SLC35F3: variants seen among roughly 807,000 people sequenced by gnomAD.
The protein encoded by SLC35F3 is solute carrier family 35 member F3.
In SLC35F3, 25 loss-of-function variants were observed where a neutral mutation model predicts 49.9. The observed-to-expected ratio is 0.50, with a 90% CI of 0.37 to 0.70. The LOEUF is 0.70. SLC35F3 is among the 30% of genes least tolerant of loss of function. The pLI is 0.00. For synonymous variants in SLC35F3, 275 were observed against 265.4 expected, an observed-to-expected ratio of 1.04 and a Z score of -0.35; for missense variants, 525 against 639.8, an observed-to-expected ratio of 0.82 and a Z score of 1.94.
intron 2 of SLC35F3, among the ~76,000 whole-genome samples, chr1:234,187,296 A>T (rs1328144854): frequency 6.6e-6 from 1 of 152,184 alleles, no homozygotes; most frequent in Admixed American, 6.5e-5. Flanking sequence ...TCACTTGCAC[A>T]AATGCAAAGT....
intron 2 of SLC35F3, among the ~76,000 whole-genome samples, chr1:234,090,457 A>T (rs540697549): frequency 6.6e-6 from 1 of 152,272 alleles, no homozygotes; most frequent in African/African-American, 2.4e-5. Flanking sequence ...GCTGCAGAGC[A>T]AGGAGACAGG....
chr1:234,204,423 T>G (rs1666943098), intron 2 of SLC35F3, among the ~76,000 whole-genome samples: 1 of 152,148 alleles, frequency 6.6e-6, no homozygotes, highest in Non-Finnish European at 1.5e-5. Context: ...ATTATTATCT[T>G]GTTGATACAC....
At chr1:234,103,376 G>A (rs945879455) in intron 2 of SLC35F3, among the ~76,000 whole-genome samples, 3 of 152,156 alleles carry the variant, frequency 2.0e-5, no homozygotes, top group South Asian at 2.1e-4. Context: ...CACCCTCAGA[G>A]GCCAAGGGTC....
intron 2 of SLC35F3, among the ~76,000 whole-genome samples, chr1:233,954,946 C>A (rs549451478): frequency 6.6e-6 from 1 of 152,114 alleles, no homozygotes. Flanking sequence ...CGGGTTCCAG[C>A]GATTCTCGTG....
At chr1:234,218,423 C>T (rs534710431) in intron 2 of SLC35F3, among the ~76,000 whole-genome samples, 2 of 152,248 alleles carry the variant, frequency 1.3e-5, no homozygotes, top group African/African-American at 4.8e-5. Context: ...GAATCAGTTC[C>T]GTCCTAGGAA....
At chr1:233,905,377 A>G in intron 1 of SLC35F3, 152 bp from the exon 2 acceptor site, 1 of 716,388 alleles carries the variant, frequency 1.4e-6, no homozygotes, top group Non-Finnish European at 2.3e-6. Flanking sequence ...GGCGGCGGGA[A>G]GGGAGGAGCG....
chr1:234,067,268 A>T (rs528371670), intron 2 of SLC35F3, among the ~76,000 whole-genome samples: 2 of 152,192 alleles, frequency 1.3e-5, no homozygotes, highest in Non-Finnish European at 2.9e-5. Context: ...GAAGATTTCA[A>T]CGGCTATTGT....
intron 2 of SLC35F3, among the ~76,000 whole-genome samples, chr1:233,989,534 G>A (rs1328122818): frequency 6.6e-6 from 1 of 152,122 alleles, no homozygotes; most frequent in Non-Finnish European, 1.5e-5. Context: ...AAAGGGAAAG[G>A]TGATGTTTTC....
chr1:233,988,145 T>G (rs1427056180), intron 2 of SLC35F3, among the ~76,000 whole-genome samples: 1 of 152,198 alleles, frequency 6.6e-6, no homozygotes, highest in African/African-American at 2.4e-5. Context: ...GAGTGGTATT[T>G]ATCAAGCAGT....
At chr1:234,191,381 A>C (rs1407922052) in intron 2 of SLC35F3, among the ~76,000 whole-genome samples, 1 of 152,200 alleles carries the variant, frequency 6.6e-6, no homozygotes, top group Non-Finnish European at 1.5e-5. Context: ...ATGAAAATTT[A>C]AAACCTTTGA....
intron 2 of SLC35F3, among the ~76,000 whole-genome samples, chr1:234,069,199 C>A: frequency 7.4e-6 from 1 of 135,624 alleles, no homozygotes; most frequent in South Asian, 2.2e-4. Context: ...TATATAAATA[C>A]ATATTTATAT....
At chr1:233,956,531 C>A (rs968633416) in intron 2 of SLC35F3, among the ~76,000 whole-genome samples, 1 of 152,226 alleles carries the variant, frequency 6.6e-6, no homozygotes, top group Non-Finnish European at 1.5e-5. Context: ...GTTCTTTCTT[C>A]TTCCCCTATG....
At chr1:234,007,817 A>G (rs1042176254) in intron 2 of SLC35F3, among the ~76,000 whole-genome samples, 1 of 152,214 alleles carries the variant, frequency 6.6e-6, no homozygotes, top group Non-Finnish European at 1.5e-5. Context: ...AGAATTGGTC[A>G]TTAAAAATTC....
intron 2 of SLC35F3, among the ~76,000 whole-genome samples, chr1:234,182,264 C>A (rs1277747787): frequency 6.6e-6 from 1 of 152,176 alleles, no homozygotes; most frequent in African/African-American, 2.4e-5. Flanking sequence ...AGATCACTTC[C>A]TTTTGACCTG....
Position 234,219,201 on chromosome 1 carries a change from G to T in SLC35F3, c.284-12216G>T, listed in dbSNP as rs115644371. On this transcript the variant is annotated intron_variant, in intron 2 of 7. Transcript: ENST00000366618. ...TTGGGAGTGTTGGGTGATCTCAGCT[G>T]CCCCCAGAGTAGGTCTGACTACCTT... Among the ~76,000 whole-genome samples, 1,463 of 152,146 alleles carry T rather than the reference G, an allele frequency of 9.6e-3. 17 individuals are homozygous for T. Among genetic ancestry groups the T allele is most frequent in the African/African-American group, 0.032 (1,335 of 41,508 alleles).
chr1:234,271,839 A>G (rs912772195), intron 3 of SLC35F3, among the ~76,000 whole-genome samples: 5 of 152,170 alleles, frequency 3.3e-5, no homozygotes, highest in Non-Finnish European at 4.4e-5. Flanking sequence ...TGTGAAGAGA[A>G]CAAGGCCAGA....
intron 3 of SLC35F3, among the ~76,000 whole-genome samples, chr1:234,292,967 A>G (rs1668532842): frequency 6.6e-6 from 1 of 152,216 alleles, no homozygotes; most frequent in African/African-American, 2.4e-5. Flanking sequence ...CCTTCATTTC[A>G]CAAATGAAGA....
At chr1:234,316,767 T>C (rs1045220136) in intron 5 of SLC35F3, 40 bp downstream of exon 5, 1 of 1,581,612 alleles carries the variant, frequency 6.3e-7, no homozygotes, top group Non-Finnish European at 8.7e-7. Flanking sequence ...GGCTGGGCTC[T>C]CCTCAGCCAG....
At chr1:234,123,567 G>A (rs904649009) in intron 2 of SLC35F3, among the ~76,000 whole-genome samples, 6 of 140,002 alleles carry the variant, frequency 4.3e-5, no homozygotes, top group African/African-American at 1.6e-4. Context: ...GTGCCACCAT[G>A]CCTGGTTAAT....
Sources: gnomAD v4.1 joint callset for allele counts (sites outside exome capture counted in the v4.1 genomes callset) on GRCh38, gnomAD v4.1.1 for gene constraint, MANE v1.5 for transcripts, NCBI Gene and HGNC (gene_info 2026-07-23, HGNC 2026-07-21) for gene names.